SND1: variants seen among roughly 807,000 people sequenced by gnomAD.
SND1 encodes the protein staphylococcal nuclease domain-containing protein 1.
In SND1, 38 loss-of-function variants were observed where a neutral mutation model predicts 121.7. The observed-to-expected ratio is 0.31, with a 90% CI of 0.24 to 0.41. The LOEUF is 0.41. SND1 is among the 10% of genes least tolerant of loss of function. The pLI, the probability that SND1 is intolerant of heterozygous loss-of-function variation, is 1.00. For missense variants in SND1, 868 were observed against 1,184.6 expected (o/e 0.73, Z 3.92); for synonymous variants, 401 against 447.4 (o/e 0.90, Z 1.31).
At chr7:127,909,241 A>T (rs566001883) in intron 14 of SND1, among the ~76,000 whole-genome samples, 4 of 152,216 alleles carry the variant, frequency 2.6e-5, no homozygotes, top group Admixed American at 2.6e-4. Context: ...GCCATTTCAT[A>T]TTATGTAGTC....
chr7:127,911,861 A>G (rs1800464142), intron 14 of SND1, among the ~76,000 whole-genome samples: 1 of 152,174 alleles, frequency 6.6e-6, no homozygotes, highest in Non-Finnish European at 1.5e-5. Flanking sequence ...GTTACTAAGA[A>G]GACCTTGATC....
intron 12 of SND1, among the ~76,000 whole-genome samples, chr7:127,850,819 G>T (rs754583224): frequency 1.3e-5 from 2 of 152,142 alleles, no homozygotes; most frequent in Non-Finnish European, 2.9e-5. Flanking sequence ...AACCTATGTG[G>T]CATTTAGTTA....
At chr7:127,848,353 AC>A (rs1168930698) in intron 12 of SND1, among the ~76,000 whole-genome samples, 2 of 152,336 alleles carry the variant, frequency 1.3e-5, no homozygotes, top group East Asian at 3.9e-4. Context: ...AGATTTGGGG[AC>A]AAAAACAAAT....
intron 2 of SND1, 170 bp downstream of exon 2, chr7:127,686,932 T>A (rs1795823773): frequency 3.0e-6 from 2 of 671,346 alleles, no homozygotes; most frequent in Middle Eastern, 2.8e-4. Context: ...GTTGTTTATA[T>A]GTTTACTACC....
At chr7:127,744,786 G>A (rs995713176) in intron 10 of SND1, among the ~76,000 whole-genome samples, 3 of 152,174 alleles carry the variant, frequency 2.0e-5, no homozygotes, top group Non-Finnish European at 4.4e-5. Flanking sequence ...CAAATAGAGG[G>A]AAGGAAGAGT....
intron 16 of SND1, among the ~76,000 whole-genome samples, chr7:128,070,601 G>C (rs911077441): frequency 2.0e-5 from 3 of 152,194 alleles, no homozygotes. Context: ...CACTCCACCA[G>C]TAGGATCTCA....
Sources: gnomAD v4.1 joint callset for allele counts (sites outside exome capture counted in the v4.1 genomes callset) on GRCh38, gnomAD v4.1.1 for gene constraint, MANE v1.5 for transcripts, NCBI Gene and HGNC (gene_info 2026-07-23, HGNC 2026-07-21) for gene names.